The following DNAJC16 variants were observed in gnomAD, a reference collection of about 807,000 sequenced individuals.
DNAJC16 encodes the protein DnaJ heat shock protein family (Hsp40) member C16.
Under a neutral mutation model 92.7 loss-of-function variants are expected in DNAJC16, and 76 were observed. That is an observed-to-expected ratio of 0.82 (90% CI 0.68 to 0.99). The LOEUF (loss-of-function observed/expected upper bound fraction) is 0.99, where lower values mean the gene tolerates loss of function less well. Ranked by LOEUF, DNAJC16 falls within the 50% of genes least tolerant of loss-of-function variation. The probability of loss-of-function intolerance (pLI) is 0.00; values close to 1 mark genes in which losing one functional copy is unlikely to be tolerated. For missense variants in DNAJC16, 869 were observed against 942.4 expected (o/e 0.92, Z 1.02); for synonymous variants, 328 against 358.7 (o/e 0.91, Z 0.97).
In DNAJC16 at chr1:15,562,344, C is replaced by T. The variant is rs767846039; in HGVS notation, c.1338+19C>T. The stretch of plus-strand genomic sequence containing the variant: ...ATCAGCGGTAAGCCACAGAGTCTCT[C>T]CTCATCCCAGGCTCTTCATAACCAT... On this transcript the variant is annotated intron_variant, in intron 9 of 14. Coordinates refer to ENST00000375847, the MANE Select transcript of DNAJC16 (RefSeq NM_015291.4). 3 of 1,602,524 alleles carry T rather than the reference C, an allele frequency of 1.9e-6. No individual in the cohort carries two copies. The Admixed American group carries it at 5.0e-5, about 27-fold the overall frequency.
At position 15,561,303 on chromosome 1, in the gene DNAJC16, C is replaced by T. The variant is rs531738963; in HGVS notation, c.1155-839C>T. Among the ~76,000 whole-genome samples the T allele has an allele frequency of 2.3e-3, 347 of 152,230 alleles. 1 individual carries two copies. The highest frequency in any genetic ancestry group is 4.4e-3 in the Non-Finnish European group (302 of 68,010). On this transcript the variant is annotated intron_variant, in intron 8 of 14. Transcript: ENST00000375847. Reference sequence around the variant, plus strand: ...TCCATTGGAACCTTGCAAAGGAAGCCGTTCAGAATGAGGCTCAGTGGCCTC... The same window carrying T: ...TCCATTGGAACCTTGCAAAGGAAGCTGTTCAGAATGAGGCTCAGTGGCCTC...
intron 4 of DNAJC16, 103 bp from the exon 5 acceptor site, chr1:15,544,296 A>C: frequency 8.7e-7 from 1 of 1,149,970 alleles, no homozygotes; most frequent in Non-Finnish European, 1.2e-6. Context: ...GACATCTCCT[A>C]TGAGGTCGGG....
intron 4 of DNAJC16, among the ~76,000 whole-genome samples, chr1:15,538,610 G>A (rs1426948538): frequency 2.6e-5 from 4 of 151,270 alleles, no homozygotes; most frequent in African/African-American, 7.3e-5. Context: ...CCAGCTACTC[G>A]GGAGGCTGAG....
rs781387811 is a variant in DNAJC16, at chr1:15,559,591, C to G, written c.1089C>G (p.Ala363=). ...CCCGAAACAAATATCTATTGGCAGCCAGGCTCACCAGCCAGAAGTTGTTCC... is the reference window on the plus strand; with the variant it reads ...CCCGAAACAAATATCTATTGGCAGCGAGGCTCACCAGCCAGAAGTTGTTCC... ...FITRNKYLLA[A]RLTSQKLFHE... The change falls in exon 8 of 15, where the codon GCC becomes GCG. Residue 363 remains alanine, a synonymous_variant. Coordinates refer to ENST00000375847, the MANE Select transcript of DNAJC16 (RefSeq NM_015291.4). The G allele has an allele frequency of 6.2e-7, 1 of 1,614,202 alleles. No homozygotes were observed. Among genetic ancestry groups the G allele is most frequent in the African/African-American group, 1.3e-5 (1 of 75,058 alleles).
At chr1:15,547,850 GC>G (rs1288312929) in intron 6 of DNAJC16, among the ~76,000 whole-genome samples, 1 of 151,982 alleles carries the variant, frequency 6.6e-6, no homozygotes, top group East Asian at 1.9e-4. Flanking sequence ...CTTCAGACCT[GC>G]CCTGTGAATG....
intron 9 of DNAJC16, 55 bp from the exon 10 acceptor site, chr1:15,563,874 G>A (rs1557588228): frequency 2.7e-5 from 38 of 1,429,844 alleles, no homozygotes; most frequent in Non-Finnish European, 3.5e-5. Flanking sequence ...GCAAACAACT[G>A]TAACTTAACC....
intron 7 of DNAJC16, among the ~76,000 whole-genome samples, chr1:15,549,476 A>G (rs572599657): frequency 1.3e-5 from 2 of 152,170 alleles, no homozygotes; most frequent in Non-Finnish European, 2.9e-5. Flanking sequence ...GGTTTCAGTT[A>G]CCCACAGTCA....
At chr1:15,549,817 CAA>C (rs777127254) in intron 7 of DNAJC16, among the ~76,000 whole-genome samples, 9 of 56,326 alleles carry the variant, frequency 1.6e-4, no homozygotes, top group Admixed American at 4.1e-4. Flanking sequence ...GACTCCGTCT[CAA>C]AAAAAAAAAA....
chr1:15,543,321 G>T (rs1033298245), intron 4 of DNAJC16, among the ~76,000 whole-genome samples: 14 of 152,212 alleles, frequency 9.2e-5, no homozygotes, highest in African/African-American at 3.4e-4. Context: ...CTTGAAGTTG[G>T]TAAAGAAGTC....
chr1:15,556,248 G>A (rs990932633), intron 7 of DNAJC16, among the ~76,000 whole-genome samples: 1 of 147,624 alleles, frequency 6.8e-6, no homozygotes, highest in African/African-American at 2.5e-5. Context: ...GTTTTGTTTT[G>A]TTTTAAGACG....
chr1:15,540,289 G>A (rs1710902283), intron 4 of DNAJC16, among the ~76,000 whole-genome samples: 1 of 152,052 alleles, frequency 6.6e-6, no homozygotes, highest in South Asian at 2.1e-4. Context: ...TTGCGCCACT[G>A]CAGTCTGGCC....
Position 15,536,670 on chromosome 1 carries a change from T to C in DNAJC16, c.430T>C (p.Leu144=). The C allele has an allele frequency of 6.2e-7, 1 of 1,614,164 alleles. No individual in the cohort carries two copies. Among genetic ancestry groups the C allele is most frequent in the Non-Finnish European group, 8.5e-7 (1 of 1,180,024 alleles). Residue 144 remains leucine (L), a synonymous_variant, in exon 4 of 15, where the codon TTG becomes CTG. Transcript: ENST00000375847. ...RRDSIDEKYL[L]HFSHYVNEVV... is the part of the protein sequence containing the mutation. ...GGACTCAATTGACGAAAAGTATTTA[T>C]TGCACTTTTCACATTATGTGAATGA...
rs1638831677 is a variant in DNAJC16 at position 15,567,167 on chromosome 1, T to A, written c.1847T>A (p.Val616Glu). ...LTDVTYTSNL[V>E]RLRPGHMNVV... Reference sequence around the variant, plus strand: ...GATGTAACATACACCAGTAACTTGGTACGTCTGAGGCCAGGCCACATGAAT... The same window carrying A: ...GATGTAACATACACCAGTAACTTGGAACGTCTGAGGCCAGGCCACATGAAT... The change falls in exon 14 of 15, where the codon GTA (valine) becomes GAA (glutamate). Residue 616 changes from valine (V) to glutamate (E), a missense_variant. Physicochemically the swap from Val to Glu is moderately radical, Grantham distance 121. Transcript: ENST00000375847. The A allele has an allele frequency of 6.2e-7, 1 of 1,614,166 alleles. No individual in the cohort carries two copies. The highest frequency in any genetic ancestry group is 2.2e-5 in the East Asian group (1 of 44,890).
In DNAJC16 at chr1:15,571,103, GT is replaced by G. The variant is rs923178445; in HGVS notation, c.*2927del. On this transcript the variant is annotated 3_prime_UTR_variant, in exon 15 of 15. Coordinates refer to ENST00000375847, the MANE Select transcript of DNAJC16 (RefSeq NM_015291.4). ...CTCCAACTAAACAACATTTCAGTGGGTGAGGCTGCCCTAACTTCCATTAGGG... is the reference window on the plus strand; with the variant it reads ...CTCCAACTAAACAACATTTCAGTGGGGAGGCTGCCCTAACTTCCATTAGGG... 6.6e-6 allele frequency: 1 copy of G among 152,110 alleles called. No individual in the cohort carries two copies. Among genetic ancestry groups the G allele is most frequent in the African/African-American group, 2.4e-5 (1 of 41,422 alleles). The allele number at this position is 152,110 out of a possible 1,614,324, so 9.4% of individuals were successfully genotyped here.
rs1042436729 is a variant in DNAJC16, at chr1:15,568,959, G to A, written c.*782G>A. 148 of 360,998 alleles carry A rather than the reference G, an allele frequency of 4.1e-4. No homozygotes were observed. Among genetic ancestry groups the A allele is most frequent in the Admixed American group, 1.1e-3 (23 of 21,406 alleles). 22.4% of individuals were successfully genotyped at this position (360,998 alleles called of 1,614,324 possible). ...CAGCGAGAAGTACTGTGATGACTTT[G>A]AGCCGTTGACATGTATGTCTTCAGA... is the stretch of plus-strand genomic sequence containing the variant. On this transcript the variant is annotated 3_prime_UTR_variant, in exon 15 of 15. Transcript: ENST00000375847.
At chr1:15,566,351 C>G in intron 13 of DNAJC16, 171 bp downstream of exon 13, 1 of 610,010 alleles carries the variant, frequency 1.6e-6, no homozygotes, top group Non-Finnish European at 2.8e-6. Flanking sequence ...TACTAAGACC[C>G]TGTAGGTGTT....
chr1:15,568,671 A>G lies in DNAJC16; in HGVS notation c.*494A>G, dbSNP rs938055039. 10 of 399,032 alleles carry G rather than the reference A, an allele frequency of 2.5e-5. No individual in the cohort carries two copies. The Admixed American group carries it at 3.1e-4, about 12-fold the overall frequency. 24.7% of individuals were successfully genotyped at this position (399,032 alleles called of 1,614,324 possible). A position where few individuals can be genotyped will look rare whatever the true frequency, so the allele number is the denominator to read the frequency against. On this transcript the variant is annotated 3_prime_UTR_variant, in exon 15 of 15. Coordinates refer to ENST00000375847, the MANE Select transcript of DNAJC16 (RefSeq NM_015291.4). The stretch of plus-strand genomic sequence containing the variant: ...CGGCAGCTTCTAGCCCCGCATCTGG[A>G]AAAAGGCCCCTTTCCAAGCAATCTC...
chr1:15,538,624 G>T (rs557283218), intron 4 of DNAJC16, among the ~76,000 whole-genome samples: 3 of 152,294 alleles, frequency 2.0e-5, no homozygotes, highest in African/African-American at 7.2e-5. Context: ...GGCTGAGGCA[G>T]GAGAATCACT....
Position 15,559,580 on chromosome 1 carries a change from C to A in DNAJC16, c.1078C>A (p.Leu360Ile), listed in dbSNP as rs1638646496. The A allele has an allele frequency of 6.2e-7, 1 of 1,614,190 alleles. No individual in the cohort carries two copies. The highest frequency in any genetic ancestry group is 8.5e-7 in the Non-Finnish European group (1 of 1,180,024). Residue 360 changes from leucine to isoleucine, a missense_variant, in exon 8 of 15, where the codon CTA becomes ATA. By Grantham distance (5) the Leu-to-Ile change is conservative. Coordinates refer to ENST00000375847, the MANE Select transcript of DNAJC16 (RefSeq NM_015291.4). ...CGACTTCATCACCCGAAACAAATAT[C>A]TATTGGCAGCCAGGCTCACCAGCCA... The part of the protein sequence containing the change: ...IDDFITRNKY[L>I]LAARLTSQKL...
Sources: allele counts gnomAD v4.1 joint callset (sites outside exome capture counted in the v4.1 genomes callset), GRCh38; gene constraint gnomAD v4.1.1; transcripts MANE v1.5; gene names NCBI Gene and HGNC (gene_info 2026-07-23, HGNC 2026-07-21).